Variants in SEPTIN7 observed in about 807,000 individuals in gnomAD.
SEPTIN7 encodes septin 7.
In SEPTIN7, 10 loss-of-function variants were observed where a neutral mutation model predicts 63.3. The ratio of observed to expected loss-of-function variants is 0.16; its 90% CI spans 0.10 to 0.27. The LOEUF (loss-of-function observed/expected upper bound fraction) is 0.27. SEPTIN7 is among the 10% of genes least tolerant of loss of function. The pLI is 1.00. For missense variants in SEPTIN7, 310 were observed against 521.0 expected (o/e 0.59, Z 3.94); for synonymous variants, 131 against 165.3 (o/e 0.79, Z 1.59).
At chr7:35,884,102 G>A (rs1787074143) in intron 9 of SEPTIN7, 115 bp downstream of exon 9, 1 of 548,740 alleles carries the variant, frequency 1.8e-6, no homozygotes, top group Non-Finnish European at 3.2e-6. Flanking sequence ...AGATTTTCAA[G>A]GATAATACTG....
In SEPTIN7 at chr7:35,906,818, T is replaced by G. The variant is rs546804592; in HGVS notation, c.*2525T>G. 6.6e-6 allele frequency: 1 copy of G among 152,362 alleles called. No homozygotes were observed. Among genetic ancestry groups the G allele is most frequent in the South Asian group, 2.1e-4 (1 of 4,826 alleles). The allele number at this position is 152,362 out of a possible 1,614,324, so 9.4% of individuals were successfully genotyped here. A position where few individuals can be genotyped will look rare whatever the true frequency, so the allele number is the denominator to read the frequency against. ...CTGACCCACCGCATCTTAATATGTT[T>G]TGTCCTCTTGGAGAAACTAGGAGTA... On this transcript the variant is annotated 3_prime_UTR_variant, in exon 14 of 14. Transcript: ENST00000350320.
chr7:35,858,983 TC>T (rs1785360913), intron 3 of SEPTIN7, among the ~76,000 whole-genome samples: 1 of 152,178 alleles, frequency 6.6e-6, no homozygotes, highest in South Asian at 2.1e-4. Context: ...CCCTGCCGTT[TC>T]TATTCTTAAA....
At chr7:35,865,653 T>C (rs1192183141) in intron 4 of SEPTIN7, among the ~76,000 whole-genome samples, 1 of 151,896 alleles carries the variant, frequency 6.6e-6, no homozygotes, top group Non-Finnish European at 1.5e-5. Flanking sequence ...TTGAGTCTAT[T>C]TTCTTTGATT....
chr7:35,832,268 C>T (rs1406520417), intron 2 of SEPTIN7, among the ~76,000 whole-genome samples: 1 of 152,074 alleles, frequency 6.6e-6, no homozygotes, highest in Non-Finnish European at 1.5e-5. Context: ...AGCTGGTTGA[C>T]ACTGATCACA....
intron 1 of SEPTIN7, among the ~76,000 whole-genome samples, chr7:35,825,358 G>GAC (rs1783444098): frequency 2.6e-5 from 4 of 152,070 alleles, no homozygotes; most frequent in Non-Finnish European, 4.4e-5. Flanking sequence ...TGAACTGTTT[G>GAC]TAGTTCCTAT....
chr7:35,887,271 T>G (rs973393150), intron 10 of SEPTIN7, among the ~76,000 whole-genome samples: 5 of 152,246 alleles, frequency 3.3e-5, no homozygotes, highest in Admixed American at 6.5e-5. Context: ...CTATAACTTT[T>G]TCTTGTGTAT....
chr7:35,879,270 A>G (rs543489282), intron 6 of SEPTIN7, among the ~76,000 whole-genome samples: 84 of 152,052 alleles, frequency 5.5e-4, no homozygotes, highest in Non-Finnish European at 9.0e-4. Context: ...ACCATTTTTC[A>G]TTTTTAAAAA....
intron 3 of SEPTIN7, among the ~76,000 whole-genome samples, chr7:35,848,357 T>C (rs1167740679): frequency 6.7e-6 from 1 of 150,070 alleles, no homozygotes; most frequent in Non-Finnish European, 1.5e-5. Context: ...AAGCTCCGCC[T>C]CCCGGGTTCA....
intron 6 of SEPTIN7, 128 bp downstream of exon 6, chr7:35,873,903 T>TA: frequency 1.2e-6 from 1 of 853,544 alleles, no homozygotes. Flanking sequence ...GTACTAAATT[T>TA]CATGTAGAAA....
At chr7:35,842,005 A>C (rs1204671445) in intron 3 of SEPTIN7, among the ~76,000 whole-genome samples, 1 of 152,222 alleles carries the variant, frequency 6.6e-6, no homozygotes, top group Non-Finnish European at 1.5e-5. Flanking sequence ...CCTTCTGCTT[A>C]GCTATGACTA....
chr7:35,811,966 C>G (rs1168913199), intron 1 of SEPTIN7: 4 of 174,876 alleles, frequency 2.3e-5, no homozygotes, highest in African/African-American at 9.8e-5. Flanking sequence ...AAACAAAAAA[C>G]AAACAAAAAA....
chr7:35,807,424 C>T (rs1406792143), intron 1 of SEPTIN7, among the ~76,000 whole-genome samples: 6 of 140,122 alleles, frequency 4.3e-5, no homozygotes, highest in Non-Finnish European at 6.0e-5. Context: ...TGCAGTGGCG[C>T]GATCTCGGCT....
chr7:35,915,197 G>T, the SEPTIN7 span, among the ~76,000 whole-genome samples: 1 of 136,442 alleles, frequency 7.3e-6, no homozygotes, highest in Non-Finnish European at 1.6e-5. Context: ...GAAATAAAGG[G>T]GTGGGTCTGG....
chr7:35,872,815 G>A lies in SEPTIN7; in HGVS notation c.377+49G>A, dbSNP rs756677503. The A allele has an allele frequency of 1.3e-5, 16 of 1,266,392 alleles. No individual in the cohort carries two copies. The South Asian group carries it at 1.8e-4, about 14-fold the overall frequency. 78.4% of individuals were successfully genotyped at this position (1,266,392 alleles called of 1,614,324 possible). On this transcript the variant is annotated intron_variant, in intron 5 of 13. Coordinates refer to ENST00000350320, the MANE Select transcript of SEPTIN7 (RefSeq NM_001788.6). Reference sequence around the variant, plus strand: ...CTTTGCAGTGCATTTGGGGTACTGGGGTGGTTAAACTTTTTCTTCTTAACA... The same window carrying A: ...CTTTGCAGTGCATTTGGGGTACTGGAGTGGTTAAACTTTTTCTTCTTAACA...
At chr7:35,876,080 T>C (rs1786458257) in intron 6 of SEPTIN7, among the ~76,000 whole-genome samples, 1 of 152,176 alleles carries the variant, frequency 6.6e-6, no homozygotes, top group South Asian at 2.1e-4. Context: ...TTTTACAAGG[T>C]TTACCTTTTT....
chr7:35,914,638 CCT>C, the SEPTIN7 span, among the ~76,000 whole-genome samples: 66,083 of 148,458 alleles, frequency 0.45, 15,864 homozygotes, highest in Admixed American at 0.55. Context: ...TCTTTCTGTC[CCT>C]CTCTCTCTCT....
intron 1 of SEPTIN7, among the ~76,000 whole-genome samples, chr7:35,818,552 A>G (rs748692622): frequency 4.7e-4 from 71 of 152,072 alleles, no homozygotes; most frequent in Non-Finnish European, 8.7e-4. Context: ...AACATTTGAT[A>G]GAATTTACTG....
At chr7:35,813,894 G>C (rs1788889500) in intron 1 of SEPTIN7, among the ~76,000 whole-genome samples, 1 of 152,132 alleles carries the variant, frequency 6.6e-6, no homozygotes, top group South Asian at 2.1e-4. Flanking sequence ...TTGACATTAA[G>C]TTCATTACAT....
chr7:35,841,842 CTTTCTT>C (rs1432433279), intron 3 of SEPTIN7, among the ~76,000 whole-genome samples: 1 of 152,168 alleles, frequency 6.6e-6, no homozygotes, highest in Non-Finnish European at 1.5e-5. Flanking sequence ...GAAGACTGCT[CTTTCTT>C]TCTCCATAAT....
Sources: allele counts gnomAD v4.1 joint callset (sites outside exome capture counted in the v4.1 genomes callset), GRCh38; gene constraint gnomAD v4.1.1; transcripts MANE v1.5; gene names NCBI Gene and HGNC (gene_info 2026-07-23, HGNC 2026-07-21).